The following ZFPM2 variants were observed in gnomAD, a reference collection of about 807,000 sequenced individuals.
ZFPM2 encodes zinc finger protein, FOG family member 2.
ZFPM2 carries 20 observed loss-of-function variants against 98.6 expected under a neutral mutation model. That is an observed-to-expected ratio of 0.20 (90% CI 0.14 to 0.29). The LOEUF is 0.29. Ranked by LOEUF, ZFPM2 falls within the 10% of genes least tolerant of loss-of-function variation. The pLI is 1.00. For missense variants in ZFPM2, 1,310 were observed against 1,388.6 expected, an observed-to-expected ratio of 0.94 and a Z score of 0.90; for synonymous variants, 518 against 502.7, an observed-to-expected ratio of 1.03 and a Z score of -0.41.
At chr8:105,621,510 C>T (rs1816546045) in intron 4 of ZFPM2, among the ~76,000 whole-genome samples, 1 of 152,058 alleles carries the variant, frequency 6.6e-6, no homozygotes, top group Non-Finnish European at 1.5e-5. Flanking sequence ...TAATTGAATA[C>T]CCTTTATTTC....
intron 5 of ZFPM2, among the ~76,000 whole-genome samples, chr8:105,762,736 G>T (rs1586246036): frequency 6.6e-6 from 1 of 151,802 alleles, no homozygotes; most frequent in East Asian, 1.9e-4. Flanking sequence ...TTTCACAATT[G>T]CTTTACAATT....
intron 1 of ZFPM2, among the ~76,000 whole-genome samples, chr8:105,370,823 A>T (rs1175509047): frequency 1.3e-5 from 2 of 152,224 alleles, no homozygotes; most frequent in African/African-American, 2.4e-5. Flanking sequence ...GCTCAAAGGA[A>T]TCTAGCTGGT....
intron 5 of ZFPM2, among the ~76,000 whole-genome samples, chr8:105,686,652 T>C (rs1370077056): frequency 6.6e-6 from 1 of 152,194 alleles, no homozygotes; most frequent in Non-Finnish European, 1.5e-5. Flanking sequence ...TATAGTACTC[T>C]ATAGCACAAC....
At chr8:105,731,581 G>A (rs1041793674) in intron 5 of ZFPM2, among the ~76,000 whole-genome samples, 1 of 151,504 alleles carries the variant, frequency 6.6e-6, no homozygotes, top group Non-Finnish European at 1.5e-5. Flanking sequence ...AAGTTTCTGA[G>A]CGAACTTTGT....
intron 5 of ZFPM2, among the ~76,000 whole-genome samples, chr8:105,729,797 T>A (rs1338002333): frequency 6.6e-6 from 1 of 151,622 alleles, no homozygotes; most frequent in Non-Finnish European, 1.5e-5. Context: ...AAAGTACAAC[T>A]TGGGTTTCTT....
chr8:105,327,822 A>T (rs1812141959), intron 1 of ZFPM2, among the ~76,000 whole-genome samples: 1 of 151,720 alleles, frequency 6.6e-6, no homozygotes, highest in African/African-American at 2.4e-5. Flanking sequence ...TTTTAAATTT[A>T]TTTTTTATTA....
chr8:105,642,455 T>A (rs1447722793), intron 5 of ZFPM2, among the ~76,000 whole-genome samples: 2 of 152,326 alleles, frequency 1.3e-5, no homozygotes, highest in East Asian at 3.9e-4. Flanking sequence ...AATCATTCTT[T>A]GTCTTAACTA....
chr8:105,626,977 A>C (rs1816669719), intron 4 of ZFPM2, among the ~76,000 whole-genome samples: 1 of 152,144 alleles, frequency 6.6e-6, no homozygotes, highest in Admixed American at 6.5e-5. Context: ...ATCTCATGGG[A>C]AGATTTTCCT....
chr8:105,707,488 G>A (rs1811291107), intron 5 of ZFPM2, among the ~76,000 whole-genome samples: 1 of 152,042 alleles, frequency 6.6e-6, no homozygotes, highest in African/African-American at 2.4e-5. Flanking sequence ...CATGGCATTT[G>A]GGGAATACAC....
intron 1 of ZFPM2, among the ~76,000 whole-genome samples, chr8:105,380,812 A>ATATATATAATATATAATATATATGT (rs1810860049): frequency 1.4e-5 from 1 of 71,424 alleles, no homozygotes; most frequent in African/African-American, 9.7e-5. Flanking sequence ...GTTATATATA[A>ATATATATAATATATAATATATATGT]TATATATAAT....
rs1349326314 is a variant in ZFPM2, at chr8:105,418,166, C to T, written c.41-978C>T. Reference sequence around the variant, plus strand: ...ATTTCTAAAAAGTGAGAGTGAGAGGCTGCCTGAGCTTTGAGTATTTAGCCT... The same window carrying T: ...ATTTCTAAAAAGTGAGAGTGAGAGGTTGCCTGAGCTTTGAGTATTTAGCCT... On this transcript the variant is annotated intron_variant, in intron 1 of 7. Transcript: ENST00000407775. 3.3e-5 allele frequency among the ~76,000 whole-genome samples: 5 copies of T among 152,126 alleles called. No individual in the cohort carries two copies. The East Asian group carries it at 7.7e-4, about 23-fold the overall frequency.
chr8:105,350,953 TG>T (rs1464013360), intron 1 of ZFPM2, among the ~76,000 whole-genome samples: 4 of 151,012 alleles, frequency 2.6e-5, no homozygotes, highest in Non-Finnish European at 5.9e-5. Flanking sequence ...GAGGCTGAGG[TG>T]GGTGGATCAC....
At chr8:105,727,964 A>C (rs370676264) in intron 5 of ZFPM2, among the ~76,000 whole-genome samples, 2 of 151,540 alleles carry the variant, frequency 1.3e-5, no homozygotes, top group East Asian at 2.0e-4. Flanking sequence ...TAAAAAAAAA[A>C]AAACAAAATC....
chr8:105,596,964 A>G (rs537879133), intron 4 of ZFPM2, among the ~76,000 whole-genome samples: 5 of 151,810 alleles, frequency 3.3e-5, no homozygotes, highest in African/African-American at 4.8e-5. Flanking sequence ...TGTTTTTTGT[A>G]AAGTAGAATT....
At chr8:105,799,350 C>CTGAA (rs1813931752) in intron 7 of ZFPM2, among the ~76,000 whole-genome samples, 1 of 152,062 alleles carries the variant, frequency 6.6e-6, no homozygotes, top group Non-Finnish European at 1.5e-5. Flanking sequence ...TAAGTGTGTG[C>CTGAA]TGAATTGAAA....
At chr8:105,631,774 T>G (rs1816759233) in intron 4 of ZFPM2, among the ~76,000 whole-genome samples, 1 of 152,152 alleles carries the variant, frequency 6.6e-6, no homozygotes, top group Non-Finnish European at 1.5e-5. Context: ...AATGGAAGAT[T>G]ATGGTTTTGG....
At chr8:105,663,933 C>G (rs1354542315) in intron 5 of ZFPM2, among the ~76,000 whole-genome samples, 3 of 152,064 alleles carry the variant, frequency 2.0e-5, no homozygotes, top group Admixed American at 2.0e-4. Flanking sequence ...AAGTAAACAC[C>G]CCCACTTGAA....
At chr8:105,661,983 A>G (rs1313994816) in intron 5 of ZFPM2, among the ~76,000 whole-genome samples, 1 of 152,140 alleles carries the variant, frequency 6.6e-6, no homozygotes, top group Non-Finnish European at 1.5e-5. Context: ...GTAAGAAAAA[A>G]AAAAGGAAGC....
At chr8:105,783,380 A>G (rs1813317152) in intron 5 of ZFPM2, among the ~76,000 whole-genome samples, 1 of 151,908 alleles carries the variant, frequency 6.6e-6, no homozygotes, top group African/African-American at 2.4e-5. Flanking sequence ...ATTTTTTCTC[A>G]ATTTTTAAAA....
Sources: allele counts gnomAD v4.1 joint callset (sites outside exome capture counted in the v4.1 genomes callset), GRCh38; gene constraint gnomAD v4.1.1; transcripts MANE v1.5; gene names NCBI Gene and HGNC (gene_info 2026-07-23, HGNC 2026-07-21).